The following SRBD1 variants were observed in gnomAD, a reference collection of about 807,000 sequenced individuals.
SRBD1 encodes the protein S1 RNA binding domain 1, also known as S1 RNA-binding domain-containing protein 1.
SRBD1 carries 88 observed loss-of-function variants against 115.3 expected under a neutral mutation model. The ratio of observed to expected loss-of-function variants is 0.76; its 90% CI spans 0.64 to 0.91. SRBD1 has a LOEUF of 0.91. Ranked by LOEUF, SRBD1 falls within the 40% of genes least tolerant of loss-of-function variation. SRBD1 has a pLI of 0.00. For missense variants in SRBD1, 1,385 were observed against 1,177.4 expected (o/e 1.18, Z -2.58); for synonymous variants, 509 against 407.7 (o/e 1.25, Z -2.99).
chr2:45,396,011 A>G (rs1165191726), intron 19 of SRBD1, among the ~76,000 whole-genome samples: 1 of 152,214 alleles, frequency 6.6e-6, no homozygotes, highest in Admixed American at 6.5e-5. Flanking sequence ...TGCTTTATGA[A>G]GCTTGGCATA....
chr2:45,513,421 G>GGA (rs1553343045), intron 14 of SRBD1, among the ~76,000 whole-genome samples: 68 of 145,334 alleles, frequency 4.7e-4, no homozygotes, highest in Middle Eastern at 3.6e-3. Context: ...GCCCCTTAAG[G>GGA]AAAAAAAAAA....
intron 16 of SRBD1, among the ~76,000 whole-genome samples, chr2:45,426,497 C>A: frequency 6.6e-6 from 1 of 152,202 alleles, no homozygotes; most frequent in East Asian, 1.9e-4. Flanking sequence ...CACTAGAGCT[C>A]TGCTAAGGGA....
intron 19 of SRBD1, among the ~76,000 whole-genome samples, chr2:45,393,967 TC>T (rs1271844752): frequency 6.6e-6 from 1 of 152,100 alleles, no homozygotes; most frequent in Non-Finnish European, 1.5e-5. Context: ...ACTCTCAAAT[TC>T]CGTAACAGTT....
At position 45,470,162 on chromosome 2, in the gene SRBD1, T is replaced by C. The variant is rs1385615974; in HGVS notation, c.2049+6831A>G. On this transcript the variant is annotated intron_variant, in intron 16 of 20. Transcript: ENST00000263736. ...AGAACAGGCAAGAAACCTTACTTTA[T>C]TTAGACCTAAACTAAAACTCCATTT... Among the ~76,000 whole-genome samples the C allele has an allele frequency of 2.6e-5, 4 of 152,190 alleles. No individual in the cohort carries two copies. In the East Asian group the frequency reaches 7.7e-4, roughly 29 times the overall value.
In SRBD1 at chr2:45,546,764, C is replaced by T. The variant is rs780535057; in HGVS notation, c.1842G>A (p.Lys614=). 1 of 1,614,094 alleles carries T rather than the reference C, an allele frequency of 6.2e-7. No homozygotes were observed. Among genetic ancestry groups the T allele is most frequent in the South Asian group, 1.1e-5 (1 of 91,076 alleles). Residue 614 remains lysine (K), a synonymous_variant, in exon 14 of 21, where the codon AAG becomes AAA. Transcript: ENST00000263736. ...TEAYFADLIM[K]NYFAPLDVVY... is the part of the protein sequence containing the mutation. ...CAACATCCAGTGGTGCAAAATAATTCTTCATTATCAGGTCAGCAAAGTAAG... is the reference window on the plus strand; with the variant it reads ...CAACATCCAGTGGTGCAAAATAATTTTTCATTATCAGGTCAGCAAAGTAAG...
rs562191339 is a variant in SRBD1, at chr2:45,563,656, A to C, written c.1306-900T>G. Reference sequence around the variant, plus strand: ...GGACCTTATAGAAATAAAAAAGATTATAAGAGATACCATGAGCAACTGTAT... The same window carrying C: ...GGACCTTATAGAAATAAAAAAGATTCTAAGAGATACCATGAGCAACTGTAT... On this transcript the variant is annotated intron_variant, in intron 9 of 20. Transcript: ENST00000263736. Among the ~76,000 whole-genome samples the C allele has an allele frequency of 3.3e-5, 5 of 152,250 alleles. No homozygotes were observed. The East Asian group carries it at 9.6e-4, about 29-fold the overall frequency.
chr2:45,399,077 GA>G (rs60339334), intron 19 of SRBD1, among the ~76,000 whole-genome samples: 47 of 145,816 alleles, frequency 3.2e-4, no homozygotes, highest in East Asian at 8.0e-4. Flanking sequence ...AAGAGAACCA[GA>G]AAAAAAAAAA....
Position 45,389,312 on chromosome 2 carries a change from A to G in SRBD1, c.2986T>C (p.Ter996ArgextTer29). The G allele has an allele frequency of 6.2e-7, 1 of 1,613,000 alleles. No individual in the cohort carries two copies. Among genetic ancestry groups the G allele is most frequent in the Non-Finnish European group, 8.5e-7 (1 of 1,179,210 alleles). Residue 996 changes from the stop codon to arginine, a stop_lost, in exon 21 of 21, where the codon TGA becomes CGA. Transcript: ENST00000263736. ...AGCGTCTGGCCTTCGTGGGATACTC[A>G]TAACACCCGAATGAGGTCCAGAGTA... is the stretch of plus-strand genomic sequence containing the variant. ...RITLDLIRVL[*>R]
chr2:45,481,333 G>A (rs1339173177), intron 15 of SRBD1, among the ~76,000 whole-genome samples: 1 of 152,094 alleles, frequency 6.6e-6, no homozygotes, highest in Non-Finnish European at 1.5e-5. Flanking sequence ...ATAATGCAGA[G>A]CTCGAGGTTG....
chr2:45,483,330 A>G (rs1382415176), intron 15 of SRBD1, among the ~76,000 whole-genome samples: 1 of 152,130 alleles, frequency 6.6e-6, no homozygotes, highest in African/African-American at 2.4e-5. Flanking sequence ...TACATTTGAC[A>G]CACCAAAAGT....
At chr2:45,471,839 A>T (rs1043501207) in intron 16 of SRBD1, among the ~76,000 whole-genome samples, 3 of 152,198 alleles carry the variant, frequency 2.0e-5, no homozygotes, top group Non-Finnish European at 4.4e-5. Context: ...CTATAAATGT[A>T]TATAAATCAA....
At chr2:45,604,459 A>C (rs930815798) in intron 2 of SRBD1, among the ~76,000 whole-genome samples, 2 of 152,198 alleles carry the variant, frequency 1.3e-5, no homozygotes, top group Admixed American at 6.5e-5. Context: ...TGAGAAGAGA[A>C]GTTAAAGGGA....
Position 45,393,043 on chromosome 2 carries a change from C to T in SRBD1, c.2600G>A (p.Gly867Glu), listed in dbSNP as rs1339815760. 4 of 1,613,938 alleles carry T rather than the reference C, an allele frequency of 2.5e-6. No homozygotes were observed. Among genetic ancestry groups the T allele is most frequent in the Non-Finnish European group, 3.4e-6 (4 of 1,179,972 alleles). Residue 867 changes from glycine (G) to glutamate (E), a missense_variant, in exon 20 of 21, where the codon GGA (glycine) becomes GAA (glutamate). By Grantham distance (98) the Gly-to-Glu change is moderately conservative (BLOSUM62 -2). Coordinates refer to ENST00000263736, the MANE Select transcript of SRBD1 (RefSeq NM_018079.5). ...QKINSFLEKE[G>E]MEKIAERLQT... ...CAATCTTTCTGCAATTTTCTCCATTCCTTCCTTTTCAAGGAATGAATTTAT... is the reference window on the plus strand; with the variant it reads ...CAATCTTTCTGCAATTTTCTCCATTTCTTCCTTTTCAAGGAATGAATTTAT...
intron 14 of SRBD1, among the ~76,000 whole-genome samples, chr2:45,490,571 C>T (rs530342868): frequency 1.3e-5 from 2 of 152,226 alleles, no homozygotes; most frequent in East Asian, 1.9e-4. Context: ...TTGTAAATCT[C>T]ACCACAGATT....
intron 4 of SRBD1, among the ~76,000 whole-genome samples, chr2:45,593,773 TA>T (rs1673798493): frequency 6.6e-6 from 1 of 152,200 alleles, no homozygotes; most frequent in Admixed American, 6.5e-5. Context: ...TACCCTTACC[TA>T]GTTATTTCAC....
chr2:45,524,234 C>T (rs13405513), intron 14 of SRBD1, among the ~76,000 whole-genome samples: 22,874 of 151,874 alleles, frequency 0.15, 2,500 homozygotes, highest in African/African-American at 0.31. Context: ...TCCCCTAAAA[C>T]AGGAACAAGA....
At chr2:45,465,160 G>A (rs1669446279) in intron 16 of SRBD1, among the ~76,000 whole-genome samples, 1 of 151,960 alleles carries the variant, frequency 6.6e-6, no homozygotes, top group Admixed American at 6.6e-5. Flanking sequence ...TTTAACCTAT[G>A]CTGCACAACC....
Position 45,599,775 on chromosome 2 carries a change from C to G in SRBD1, c.322G>C (p.Val108Leu). 3.1e-6 allele frequency: 5 copies of G among 1,614,136 alleles called. No individual in the cohort carries two copies. The highest frequency in any genetic ancestry group is 4.2e-6 in the Non-Finnish European group (5 of 1,180,026). The change falls in exon 4 of 21, where the codon GTA becomes CTA. Residue 108 changes from valine (V) to leucine (L), a missense_variant. Physicochemically the swap from Val to Leu is conservative, Grantham distance 32 (BLOSUM62 1). Coordinates refer to ENST00000263736, the MANE Select transcript of SRBD1 (RefSeq NM_018079.5). ...GTCTTGGCTGTTTTCAGAGTCTGTA[C>G]AGTATCCAATTTATTTTTTCTGTCT... is the stretch of plus-strand genomic sequence containing the variant. ...LEDRKNKLDT[V>L]QTLKTAKTKQ...
At chr2:45,393,527 CCCG>C (rs1667063827) in intron 19 of SRBD1, among the ~76,000 whole-genome samples, 1 of 152,092 alleles carries the variant, frequency 6.6e-6, no homozygotes, top group Non-Finnish European at 1.5e-5. Context: ...ACTACAGGCA[CCCG>C]CCACCACGCC....
Sources: allele counts gnomAD v4.1 joint callset (sites outside exome capture counted in the v4.1 genomes callset), GRCh38; gene constraint gnomAD v4.1.1; transcripts MANE v1.5; gene names NCBI Gene and HGNC (gene_info 2026-07-23, HGNC 2026-07-21).